MARCHF4: variants seen among roughly 807,000 people sequenced by gnomAD.
The protein encoded by MARCHF4 is membrane associated ring-CH-type finger 4.
MARCHF4 carries 14 observed loss-of-function variants against 43.9 expected under a neutral mutation model. The ratio of observed to expected loss-of-function variants is 0.32; its 90% CI spans 0.21 to 0.50. The LOEUF (loss-of-function observed/expected upper bound fraction) is 0.50, where lower values mean the gene tolerates loss of function less well. Among genes scored for constraint, MARCHF4 ranks in the 20% least tolerant of loss-of-function variants. The pLI, the probability that MARCHF4 is intolerant of heterozygous loss-of-function variation, is 0.98. For synonymous variants in MARCHF4, 226 were observed against 213.3 expected, an observed-to-expected ratio of 1.06 and a Z score of -0.52; for missense variants, 468 against 536.7, an observed-to-expected ratio of 0.87 and a Z score of 1.27.
chr2:216,260,155 A>C (rs1237702323), intron 3 of MARCHF4, among the ~76,000 whole-genome samples: 1 of 152,254 alleles, frequency 6.6e-6, no homozygotes, highest in Non-Finnish European at 1.5e-5. Flanking sequence ...AGTACTACTG[A>C]GATACAAACA....
chr2:216,311,225 T>C (rs1030241888), intron 1 of MARCHF4, among the ~76,000 whole-genome samples: 1 of 152,148 alleles, frequency 6.6e-6, no homozygotes, highest in African/African-American at 2.4e-5. Context: ...TAATAGTCCA[T>C]GTCTGAATTT....
At chr2:216,354,375 TACTC>T (rs1692449865) in intron 1 of MARCHF4, among the ~76,000 whole-genome samples, 1 of 152,204 alleles carries the variant, frequency 6.6e-6, no homozygotes, top group Non-Finnish European at 1.5e-5. Flanking sequence ...TACTCATTCT[TACTC>T]AACCACTAAA....
At chr2:216,347,273 C>A (rs1453560749) in intron 1 of MARCHF4, among the ~76,000 whole-genome samples, 1 of 152,090 alleles carries the variant, frequency 6.6e-6, no homozygotes, top group Non-Finnish European at 1.5e-5. Flanking sequence ...AGGGGATCCA[C>A]AGAAGAATTT....
chr2:216,265,154 G>C (rs2105932077), intron 3 of MARCHF4, among the ~76,000 whole-genome samples: 2 of 152,314 alleles, frequency 1.3e-5, no homozygotes, highest in Middle Eastern at 6.8e-3. Flanking sequence ...CTGGTGAACA[G>C]AGGCAGAAAA....
At chr2:216,301,307 C>G (rs1004399848) in intron 1 of MARCHF4, among the ~76,000 whole-genome samples, 4 of 152,228 alleles carry the variant, frequency 2.6e-5, no homozygotes, top group Non-Finnish European at 4.4e-5. Flanking sequence ...TGGACTCCAG[C>G]CTAGGTGAAG....
intron 2 of MARCHF4, among the ~76,000 whole-genome samples, chr2:216,281,417 A>G (rs1317140455): frequency 6.6e-6 from 1 of 152,144 alleles, no homozygotes; most frequent in Non-Finnish European, 1.5e-5. Context: ...GAACCAGGAG[A>G]CCTGGAAGGA....
In MARCHF4 at chr2:216,259,406, G is replaced by A; in HGVS notation, c.1139C>T (p.Thr380Ile). 1 of 1,613,570 alleles carries A rather than the reference G, an allele frequency of 6.2e-7. No homozygotes were observed. The highest frequency in any genetic ancestry group is 1.1e-5 in the South Asian group (1 of 91,022). ...CAAGTGACTCAGGATGTGCAGGATG[G>A]TATAAGCACAGTGGTGATGGGACAG... is the stretch of plus-strand genomic sequence containing the variant. ...GPLSHHHCAY[T>I]ILHILSHLRP... Residue 380 changes from threonine to isoleucine, a missense_variant, in exon 4 of 4, where the codon ACC becomes ATC. By Grantham distance (89) the Thr-to-Ile change is moderately conservative (BLOSUM62 -1). Around this residue, in one of 3 missense-constraint regions of MARCHF4, gnomAD observed 120 missense variants for 127.1 expected, o/e 0.94. Transcript: ENST00000273067.
intron 3 of MARCHF4, among the ~76,000 whole-genome samples, chr2:216,272,161 G>A (rs1690949118): frequency 6.6e-6 from 1 of 151,932 alleles, no homozygotes; most frequent in Non-Finnish European, 1.5e-5. Context: ...GCCTGAATAA[G>A]TATTTTTAAA....
chr2:216,303,828 G>T (rs972425495), intron 1 of MARCHF4, among the ~76,000 whole-genome samples: 2 of 152,174 alleles, frequency 1.3e-5, no homozygotes, highest in Non-Finnish European at 2.9e-5. Context: ...TTATACAAAG[G>T]TTCTGTAGAT....
intron 3 of MARCHF4, among the ~76,000 whole-genome samples, chr2:216,263,512 AGAGAGAG>A (rs1690783680): frequency 6.9e-6 from 1 of 144,858 alleles, no homozygotes; most frequent in African/African-American, 2.5e-5. Context: ...AGAGAGAGAG[AGAGAGAG>A]AGAGAGAGAG....
chr2:216,293,165 G>A (rs1011389837), intron 1 of MARCHF4, among the ~76,000 whole-genome samples: 3 of 151,998 alleles, frequency 2.0e-5, no homozygotes, highest in African/African-American at 7.2e-5. Context: ...TTGTTTTCTG[G>A]CTGGAGTCCG....
intron 3 of MARCHF4, among the ~76,000 whole-genome samples, chr2:216,275,459 T>C (rs541371153): frequency 6.6e-6 from 1 of 152,272 alleles, no homozygotes; most frequent in Non-Finnish European, 1.5e-5. Flanking sequence ...GGTCACACCA[T>C]GGGACTCCTG....
chr2:216,320,113 T>G (rs926453256), intron 1 of MARCHF4, among the ~76,000 whole-genome samples: 2 of 152,202 alleles, frequency 1.3e-5, no homozygotes, highest in South Asian at 4.1e-4. Flanking sequence ...CTAAGATTAC[T>G]GTAAGACACA....
intron 1 of MARCHF4, among the ~76,000 whole-genome samples, chr2:216,342,537 G>A (rs981924168): frequency 3.9e-5 from 6 of 152,160 alleles, no homozygotes; most frequent in African/African-American, 1.2e-4. Flanking sequence ...GGGTGGCTGA[G>A]ATGGGCCTAG....
At chr2:216,292,013 C>G (rs13383521) in intron 1 of MARCHF4, among the ~76,000 whole-genome samples, 4,721 of 152,260 alleles carry the variant, frequency 0.031, 247 homozygotes, top group African/African-American at 0.11. Context: ...CTTCCTTGTC[C>G]CTATGTAAGA....
intron 1 of MARCHF4, among the ~76,000 whole-genome samples, chr2:216,304,657 A>G (rs1691551651): frequency 6.6e-6 from 1 of 152,166 alleles, no homozygotes; most frequent in Non-Finnish European, 1.5e-5. Context: ...TGCTCTATAA[A>G]TCTCCATCAG....
At chr2:216,317,029 C>T (rs967423777) in intron 1 of MARCHF4, among the ~76,000 whole-genome samples, 1 of 152,136 alleles carries the variant, frequency 6.6e-6, no homozygotes. Context: ...GAGCACTCTC[C>T]AACCTTCTCC....
chr2:216,292,343 G>A (rs533316237), intron 1 of MARCHF4, among the ~76,000 whole-genome samples: 24 of 152,374 alleles, frequency 1.6e-4, no homozygotes, highest in Middle Eastern at 3.4e-3. Flanking sequence ...CAGTTGCCTT[G>A]TAGTTGTTCC....
chr2:216,304,955 A>G lies in MARCHF4; in HGVS notation c.517-21226T>C, dbSNP rs973792581. 2.5e-4 allele frequency among the ~76,000 whole-genome samples: 38 copies of G among 151,678 alleles called. 1 individual carries two copies. Among genetic ancestry groups the G allele is most frequent in the Non-Finnish European group, 8.8e-5 (6 of 67,884 alleles). On this transcript the variant is annotated intron_variant, in intron 1 of 3. Coordinates refer to ENST00000273067, the MANE Select transcript of MARCHF4 (RefSeq NM_020814.3). ...GGCAACACAGTGAGACTCCGTCTCA[A>G]AAAAAAAAGAAAACATTCATAGACT...
Sources: gnomAD v4.1 joint callset for allele counts (sites outside exome capture counted in the v4.1 genomes callset) on GRCh38, gnomAD v4.1.1 for gene constraint, gnomAD v4.1.1 regional missense constraint, MANE v1.5 for transcripts, NCBI Gene and HGNC (gene_info 2026-07-23, HGNC 2026-07-21) for gene names.